Variants in ZPBP observed in about 807,000 individuals in gnomAD.
ZPBP encodes zona pellucida binding protein.
Under a neutral mutation model 44.8 loss-of-function variants are expected in ZPBP, and 26 were observed. The observed-to-expected ratio is 0.58, with a 90% CI of 0.43 to 0.81. ZPBP has a LOEUF of 0.81. Among genes scored for constraint, ZPBP ranks in the 30% least tolerant of loss-of-function variants. ZPBP has a pLI of 0.00. For missense variants in ZPBP, 409 were observed against 434.0 expected (o/e 0.94, Z 0.51); for synonymous variants, 174 against 153.2 (o/e 1.14, Z -1.00).
chr7:50,018,358 C>CT, intron 5 of ZPBP, 42 bp from the exon 6 acceptor site: 2 of 1,362,890 alleles, frequency 1.5e-6, no homozygotes, highest in Non-Finnish European at 2.1e-6. Flanking sequence ...ATAATGTATT[C>CT]TGTCACAATA....
intron 2 of ZPBP, among the ~76,000 whole-genome samples, chr7:49,888,843 G>A (rs1792010876): frequency 6.6e-6 from 1 of 152,122 alleles, no homozygotes; most frequent in Non-Finnish European, 1.5e-5. Flanking sequence ...CTCGGGAGGC[G>A]GAGGTTGCAG....
At chr7:49,877,479 AAAATAT>A (rs55874811) in intron 2 of ZPBP, among the ~76,000 whole-genome samples, 245 of 12,596 alleles carry the variant, frequency 0.019, no homozygotes, top group South Asian at 0.039. Context: ...AAAAAAAAAA[AAAATAT>A]ATATATATAT....
At chr7:50,011,011 C>T (rs930413670) in intron 6 of ZPBP, among the ~76,000 whole-genome samples, 2 of 148,460 alleles carry the variant, frequency 1.3e-5, no homozygotes, top group African/African-American at 5.0e-5. Flanking sequence ...TGTATAAAAA[C>T]AGGCATGCAG....
intron 3 of ZPBP, among the ~76,000 whole-genome samples, chr7:50,076,416 G>A (rs979200236): frequency 2.0e-5 from 3 of 151,922 alleles, no homozygotes; most frequent in Admixed American, 1.3e-4. Context: ...GTCCTGGCTA[G>A]AGCAATCAGA....
chr7:50,031,392 T>G, intron 4 of ZPBP, 82 bp from the exon 5 acceptor site: 1 of 1,028,526 alleles, frequency 9.7e-7, no homozygotes, highest in Admixed American at 2.4e-5. Context: ...AGAAATATCA[T>G]TATTTGGTAT....
intron 3 of ZPBP, among the ~76,000 whole-genome samples, chr7:50,063,855 G>C (rs1022474193): frequency 6.6e-5 from 10 of 152,130 alleles, no homozygotes; most frequent in African/African-American, 2.4e-4. Context: ...TAGTGCCCTT[G>C]ATGTTTCATT....
intron 6 of ZPBP, among the ~76,000 whole-genome samples, chr7:49,985,671 G>C (rs966528459): frequency 6.8e-6 from 1 of 147,090 alleles, no homozygotes; most frequent in African/African-American, 2.5e-5. Context: ...CCTAAATGAA[G>C]TTAGACCTGA....
chr7:50,075,817 G>A (rs540533876), intron 3 of ZPBP, among the ~76,000 whole-genome samples: 4 of 151,744 alleles, frequency 2.6e-5, no homozygotes, highest in South Asian at 4.1e-4. Context: ...TGAATTAAAC[G>A]AAACATTTGA....
intron 2 of ZPBP, among the ~76,000 whole-genome samples, chr7:49,867,965 C>T (rs1276709571): frequency 4.6e-5 from 7 of 152,038 alleles, no homozygotes. Context: ...TACCAAGTAG[C>T]TGGGATTACA....
At chr7:50,092,865 T>C in intron 1 of ZPBP, 1 of 737,822 alleles carries the variant, frequency 1.4e-6, no homozygotes, top group Non-Finnish European at 2.1e-6. Flanking sequence ...ATCTATACCT[T>C]AATTTCCTGT....
chr7:49,981,184 A>T (rs1583968619), intron 7 of ZPBP, among the ~76,000 whole-genome samples: 1 of 135,422 alleles, frequency 7.4e-6, no homozygotes, highest in Non-Finnish European at 1.5e-5. Flanking sequence ...GATTATTTCT[A>T]TCATATAATG....
At chr7:49,999,811 C>T (rs1005344955) in intron 6 of ZPBP, among the ~76,000 whole-genome samples, 3 of 152,104 alleles carry the variant, frequency 2.0e-5, no homozygotes, top group South Asian at 4.1e-4. Flanking sequence ...GTAATCACTT[C>T]CAGAAACACC....
intron 7 of ZPBP, 103 bp from the exon 8 acceptor site, chr7:49,937,725 A>T (rs1381500573): frequency 2.2e-6 from 2 of 904,660 alleles, no homozygotes; most frequent in African/African-American, 3.3e-5. Context: ...AGTATTAAGC[A>T]TATTCACACT....
At chr7:49,890,668 C>T (rs540580152) in intron 2 of ZPBP, among the ~76,000 whole-genome samples, 69 of 151,864 alleles carry the variant, frequency 4.5e-4, no homozygotes, top group African/African-American at 1.6e-3. Context: ...ATGAGAGTAA[C>T]TCCCACTACT....
intron 1 of ZPBP, among the ~76,000 whole-genome samples, chr7:49,901,561 TATAA>T (rs1205422884): frequency 1.3e-5 from 2 of 151,734 alleles, no homozygotes; most frequent in Non-Finnish European, 3.0e-5. Context: ...TCATAGAATA[TATAA>T]ATAGAGAGAT....
At chr7:49,842,518 A>G in the ZPBP span, among the ~76,000 whole-genome samples, 1 of 152,214 alleles carries the variant, frequency 6.6e-6, no homozygotes, top group African/African-American at 2.4e-5. Flanking sequence ...TTCACCATCC[A>G]GTGTAACTCA....
chr7:50,076,473 T>C (rs535057863), intron 3 of ZPBP, among the ~76,000 whole-genome samples: 15 of 152,022 alleles, frequency 9.9e-5, no homozygotes, highest in Admixed American at 9.8e-4. Context: ...GAAGTTAAAT[T>C]ATCCTTGTTT....
At position 50,093,118 on chromosome 7, in the gene ZPBP, G is replaced by A. The variant is rs778142618; in HGVS notation, c.77C>T (p.Ala26Val). ...TRAAGSLLSR[A>V]AILLFISAFL... Reference sequence around the variant, plus strand: ...GGCGGAGATAAAGAGGAGGATGGCGGCCCGAGAGAGCAGGGAGCCGGCGGC... The same window carrying A: ...GGCGGAGATAAAGAGGAGGATGGCGACCCGAGAGAGCAGGGAGCCGGCGGC... The change falls in exon 1 of 8, where the codon GCC becomes GTC. Residue 26 changes from alanine to valine, a missense_variant. This residue lies in a region of ZPBP where 367 missense variants were observed against 363.1 expected (regional missense o/e 1.01). Coordinates refer to ENST00000046087, the MANE Select transcript of ZPBP (RefSeq NM_007009.3). The A allele has an allele frequency of 1.3e-6, 2 of 1,582,362 alleles. No individual in the cohort carries two copies. Among genetic ancestry groups the A allele is most frequent in the Non-Finnish European group, 1.7e-6 (2 of 1,165,176 alleles).
intron 7 of ZPBP, among the ~76,000 whole-genome samples, chr7:49,976,401 T>G (rs1278634485): frequency 6.6e-6 from 1 of 152,148 alleles, no homozygotes; most frequent in Non-Finnish European, 1.5e-5. Flanking sequence ...CCATCATGTA[T>G]GATGATATTT....
Sources: allele counts gnomAD v4.1 joint callset (sites outside exome capture counted in the v4.1 genomes callset), GRCh38; gene constraint gnomAD v4.1.1; regional missense constraint gnomAD v4.1.1; transcripts MANE v1.5; gene names NCBI Gene and HGNC (gene_info 2026-07-23, HGNC 2026-07-21).